The following CCDC148 variants were observed in gnomAD, a reference collection of about 807,000 sequenced individuals.
CCDC148 encodes the protein coiled-coil domain-containing protein 148.
A neutral mutation model predicts 85.7 loss-of-function variants in CCDC148; 89 were observed. The ratio of observed to expected loss-of-function variants is 1.04; its 90% CI spans 0.87 to 1.24. The LOEUF (loss-of-function observed/expected upper bound fraction) is 1.24. CCDC148 is among the 50% of genes most tolerant of loss of function. The probability of loss-of-function intolerance (pLI) is 0.00; values close to 1 mark genes in which losing one functional copy is unlikely to be tolerated. For synonymous variants in CCDC148, 230 were observed against 213.9 expected (o/e 1.08, Z -0.66); for missense variants, 692 against 671.7 (o/e 1.03, Z -0.33).
At chr2:158,298,184 T>C (rs1363948841) in intron 9 of CCDC148, among the ~76,000 whole-genome samples, 1 of 152,102 alleles carries the variant, frequency 6.6e-6, no homozygotes, top group Non-Finnish European at 1.5e-5. Context: ...ACCACTCCTG[T>C]GATTCAATTA....
chr2:158,234,163 G>A (rs149369553), intron 10 of CCDC148, among the ~76,000 whole-genome samples: 6 of 151,430 alleles, frequency 4.0e-5, no homozygotes, highest in African/African-American at 7.3e-5. Flanking sequence ...GCAACAGAGC[G>A]AGACTCCATC....
At chr2:158,267,594 G>A (rs913451633) in intron 9 of CCDC148, among the ~76,000 whole-genome samples, 7 of 152,210 alleles carry the variant, frequency 4.6e-5, no homozygotes, top group Admixed American at 2.6e-4. Flanking sequence ...AACTAAACAG[G>A]AGATAAGTAA....
At chr2:158,328,441 C>G (rs1308993821) in intron 7 of CCDC148, among the ~76,000 whole-genome samples, 2 of 152,138 alleles carry the variant, frequency 1.3e-5, no homozygotes, top group Admixed American at 1.3e-4. Flanking sequence ...GGTTCCAAGT[C>G]TTTGCTATTG....
chr2:158,292,914 T>A (rs903271483), intron 9 of CCDC148, among the ~76,000 whole-genome samples: 5 of 152,204 alleles, frequency 3.3e-5, no homozygotes, highest in Non-Finnish European at 7.3e-5. Context: ...AGCACTTTTT[T>A]AATAAAGTCA....
intron 7 of CCDC148, among the ~76,000 whole-genome samples, chr2:158,335,008 G>T (rs1478767018): frequency 1.3e-5 from 2 of 152,032 alleles, no homozygotes. Context: ...TGTTTTTAGT[G>T]GCAAACAACT....
At chr2:158,194,321 G>A (rs1685562791) in intron 11 of CCDC148, among the ~76,000 whole-genome samples, 1 of 152,118 alleles carries the variant, frequency 6.6e-6, no homozygotes. Flanking sequence ...CCAAGCAATT[G>A]TAACAAGTTA....
chr2:158,379,848 C>A, intron 1 of CCDC148, among the ~76,000 whole-genome samples: 1 of 152,134 alleles, frequency 6.6e-6, no homozygotes, highest in Non-Finnish European at 1.5e-5. Context: ...ATAACTTTTA[C>A]AGGCACTGGA....
chr2:158,322,270 T>C (rs545523478), intron 7 of CCDC148, among the ~76,000 whole-genome samples: 1 of 152,234 alleles, frequency 6.6e-6, no homozygotes, highest in African/African-American at 2.4e-5. Flanking sequence ...AAATAGGAAA[T>C]TGGTTAAATG....
chr2:158,339,896 T>A (rs577752826), intron 5 of CCDC148, among the ~76,000 whole-genome samples: 2 of 152,292 alleles, frequency 1.3e-5, no homozygotes, highest in East Asian at 3.9e-4. Context: ...GAAGGACTTA[T>A]GTACTCACAG....
chr2:158,235,754 A>G (rs1338775303), intron 10 of CCDC148: 3 of 152,186 alleles, frequency 2.0e-5, no homozygotes, highest in African/African-American at 7.2e-5. Flanking sequence ...ACTGAAAATT[A>G]GGATAAGTTA....
chr2:158,442,164 G>T (rs1421117167), intron 1 of CCDC148, among the ~76,000 whole-genome samples: 2 of 152,126 alleles, frequency 1.3e-5, no homozygotes, highest in African/African-American at 4.8e-5. Flanking sequence ...CTTTTTAAAG[G>T]TAGTATTGAA....
chr2:158,424,189 T>C (rs992146958), intron 1 of CCDC148, among the ~76,000 whole-genome samples: 1 of 152,098 alleles, frequency 6.6e-6, no homozygotes, highest in East Asian at 1.9e-4. Context: ...ACTAGAAATA[T>C]CATTTGACCT....
At chr2:158,373,993 T>C (rs1320196061) in intron 1 of CCDC148, among the ~76,000 whole-genome samples, 1 of 152,114 alleles carries the variant, frequency 6.6e-6, no homozygotes, top group African/African-American at 2.4e-5. Context: ...ATTAAGTGAT[T>C]ACATTATAGA....
intron 10 of CCDC148, among the ~76,000 whole-genome samples, chr2:158,230,879 T>C (rs1687823948): frequency 6.6e-6 from 1 of 152,132 alleles, no homozygotes; most frequent in Non-Finnish European, 1.5e-5. Context: ...ATGTGAAGAT[T>C]GCAGGAAAGA....
At chr2:158,349,340 T>C (rs1683148016) in intron 2 of CCDC148, among the ~76,000 whole-genome samples, 1 of 151,996 alleles carries the variant, frequency 6.6e-6, no homozygotes, top group Non-Finnish European at 1.5e-5. Flanking sequence ...ATTTAAAAGG[T>C]AAAATAAACA....
intron 1 of CCDC148, among the ~76,000 whole-genome samples, chr2:158,401,589 T>C (rs1186091129): frequency 3.3e-5 from 5 of 151,988 alleles, no homozygotes; most frequent in Admixed American, 1.3e-4. Context: ...AAATACCTAA[T>C]GTAAATATGA....
At chr2:158,309,294 C>T (rs929445291) in intron 9 of CCDC148, 139 bp downstream of exon 9, 2 of 687,646 alleles carry the variant, frequency 2.9e-6, no homozygotes, top group Admixed American at 6.4e-5. Flanking sequence ...CAATTTTATA[C>T]AGTTCAAACT....
intron 9 of CCDC148, among the ~76,000 whole-genome samples, chr2:158,263,689 T>C (rs1689334936): frequency 1.3e-5 from 2 of 152,060 alleles, no homozygotes; most frequent in Admixed American, 1.3e-4. Context: ...CTCTTTTGAT[T>C]CTGCAATTCT....
At chr2:158,313,923 T>C (rs761568255) in intron 7 of CCDC148, 29 bp from the exon 8 acceptor site, 1 of 1,596,088 alleles carries the variant, frequency 6.3e-7, no homozygotes, top group Non-Finnish European at 8.5e-7. Context: ...TCACAACATA[T>C]TATTGAGCAA....
Sources: gnomAD v4.1 joint callset for allele counts (sites outside exome capture counted in the v4.1 genomes callset) on GRCh38, gnomAD v4.1.1 for gene constraint, MANE v1.5 for transcripts, NCBI Gene and HGNC (gene_info 2026-07-23, HGNC 2026-07-21) for gene names.